Variants in CREB5 observed in about 807,000 individuals in gnomAD.
CREB5 encodes the protein cyclic AMP-responsive element-binding protein 5.
A neutral mutation model predicts 57.1 loss-of-function variants in CREB5; 19 were observed. The ratio of observed to expected loss-of-function variants is 0.33; its 90% CI spans 0.23 to 0.49. CREB5 has a LOEUF of 0.49. Ranked by LOEUF, CREB5 falls within the 20% of genes least tolerant of loss-of-function variation. The pLI is 0.99. For missense variants in CREB5, 579 were observed against 671.6 expected (o/e 0.86, Z 1.52); for synonymous variants, 238 against 238.3 (o/e 1.00, Z 0.01).
intron 5 of CREB5, among the ~76,000 whole-genome samples, chr7:28,687,884 C>T (rs1433444670): frequency 6.6e-6 from 1 of 151,946 alleles, no homozygotes; most frequent in Non-Finnish European, 1.5e-5. Flanking sequence ...TCACTTAAAC[C>T]ATCTGGGCAC....
intron 1 of CREB5, among the ~76,000 whole-genome samples, chr7:28,369,081 A>T (rs1473921710): frequency 6.6e-6 from 1 of 152,134 alleles, no homozygotes; most frequent in Non-Finnish European, 1.5e-5. Flanking sequence ...AACAAAATAA[A>T]TTGATTATAT....
intron 5 of CREB5, among the ~76,000 whole-genome samples, chr7:28,604,045 C>A (rs1296779877): frequency 6.6e-6 from 1 of 152,108 alleles, no homozygotes; most frequent in Non-Finnish European, 1.5e-5. Context: ...GTTTTCAAAC[C>A]AGTTCATGTG....
chr7:28,454,663 C>A (rs563887744), intron 1 of CREB5, among the ~76,000 whole-genome samples: 2 of 152,152 alleles, frequency 1.3e-5, no homozygotes, highest in East Asian at 3.9e-4. Context: ...TGTCAGTGAA[C>A]GCAGATATTG....
chr7:28,548,266 G>A (rs1293180811), intron 4 of CREB5, among the ~76,000 whole-genome samples: 6 of 152,096 alleles, frequency 3.9e-5, no homozygotes, highest in Admixed American at 3.9e-4. Context: ...TCACTTTTTA[G>A]ATTCCTAGTC....
chr7:28,807,427 C>A (rs1028997800), intron 8 of CREB5, among the ~76,000 whole-genome samples: 2 of 152,070 alleles, frequency 1.3e-5, no homozygotes, highest in Non-Finnish European at 2.9e-5. Flanking sequence ...CCAGGCTGGG[C>A]GACAGAGAGA....
At chr7:28,696,899 C>T (rs1315812227) in intron 5 of CREB5, among the ~76,000 whole-genome samples, 1 of 151,392 alleles carries the variant, frequency 6.6e-6, no homozygotes, top group Admixed American at 6.6e-5. Context: ...CACATACTCA[C>T]ATTACATACA....
chr7:28,694,858 T>G (rs1222838361), intron 5 of CREB5, among the ~76,000 whole-genome samples: 1 of 152,190 alleles, frequency 6.6e-6, no homozygotes, highest in African/African-American at 2.4e-5. Flanking sequence ...AGTCTTATAA[T>G]TCTAAATGCA....
intron 5 of CREB5, among the ~76,000 whole-genome samples, chr7:28,582,561 A>T (rs953934926): frequency 2.6e-5 from 4 of 152,196 alleles, no homozygotes; most frequent in Non-Finnish European, 5.9e-5. Context: ...ATTTCTCTGG[A>T]AAGTTGGGAG....
At chr7:28,446,809 A>T (rs1393639328) in intron 1 of CREB5, among the ~76,000 whole-genome samples, 1 of 152,228 alleles carries the variant, frequency 6.6e-6, no homozygotes, top group East Asian at 1.9e-4. Context: ...AACAAAACAA[A>T]ACAAAAGTAA....
At chr7:28,530,765 A>G (rs1270805856) in intron 4 of CREB5, among the ~76,000 whole-genome samples, 4 of 152,092 alleles carry the variant, frequency 2.6e-5, no homozygotes, top group African/African-American at 9.7e-5. Flanking sequence ...CTCAAAATAA[A>G]CAAGCAGTGC....
chr7:28,658,905 G>A (rs1314435499), intron 5 of CREB5, among the ~76,000 whole-genome samples: 3 of 130,060 alleles, frequency 2.3e-5, no homozygotes, highest in Non-Finnish European at 3.2e-5. Flanking sequence ...CTATTGACTC[G>A]GTCTCTAATC....
intron 4 of CREB5, among the ~76,000 whole-genome samples, chr7:28,548,947 C>T (rs1794519179): frequency 6.6e-6 from 1 of 152,040 alleles, no homozygotes; most frequent in Non-Finnish European, 1.5e-5. Context: ...ACTTAATAAG[C>T]ATGGAAGCAT....
At chr7:28,586,947 G>A (rs891491465) in intron 5 of CREB5, among the ~76,000 whole-genome samples, 4 of 152,136 alleles carry the variant, frequency 2.6e-5, no homozygotes, top group South Asian at 2.1e-4. Flanking sequence ...CATCCCACAG[G>A]GCATTTCTGA....
intron 7 of CREB5, among the ~76,000 whole-genome samples, chr7:28,730,353 A>AT (rs1562601272): frequency 1.9e-5 from 2 of 104,982 alleles, no homozygotes; most frequent in African/African-American, 7.5e-5. Context: ...ACACCCAGAT[A>AT]ATTTTTTTTT....
rs149949090 is a variant in CREB5 at position 28,484,684 on chromosome 7, A to G, written c.4-3491A>G. ...GTAATACATTGATACAGACTCACTT[A>G]TGTTGTAAAATAAAATAGTAACATA... On this transcript the variant is annotated intron_variant, in intron 1 of 10. Transcript: ENST00000357727. Among the ~76,000 whole-genome samples the G allele has an allele frequency of 4.2e-3, 644 of 152,336 alleles. 7 individuals carry two copies. The highest frequency in any genetic ancestry group is 0.015 in the African/African-American group (615 of 41,576).
chr7:28,761,134 G>A (rs1404802827), intron 7 of CREB5, among the ~76,000 whole-genome samples: 1 of 152,178 alleles, frequency 6.6e-6, no homozygotes, highest in Non-Finnish European at 1.5e-5. Flanking sequence ...GACAGGGTTA[G>A]AAAGTGAGAC....
intron 5 of CREB5, among the ~76,000 whole-genome samples, chr7:28,658,963 A>ATATATATATATATATATATATG (rs1554281591): frequency 3.4e-5 from 4 of 117,208 alleles, no homozygotes; most frequent in Non-Finnish European, 8.1e-5. Context: ...GTATATATAT[A>ATATATATATATATATATATATG]TATATATATA....
intron 7 of CREB5, among the ~76,000 whole-genome samples, chr7:28,783,125 G>C (rs958200103): frequency 6.6e-6 from 1 of 152,110 alleles, no homozygotes; most frequent in African/African-American, 2.4e-5. Context: ...TACACCTCCA[G>C]AACACTAATG....
At chr7:28,401,483 A>G (rs572621742) in intron 1 of CREB5, among the ~76,000 whole-genome samples, 4 of 152,170 alleles carry the variant, frequency 2.6e-5, no homozygotes, top group African/African-American at 7.2e-5. Flanking sequence ...TTACATATGT[A>G]TACATGCGCC....
Sources: gnomAD v4.1 joint callset for allele counts (sites outside exome capture counted in the v4.1 genomes callset) on GRCh38, gnomAD v4.1.1 for gene constraint, MANE v1.5 for transcripts, NCBI Gene and HGNC (gene_info 2026-07-23, HGNC 2026-07-21) for gene names.